The following KIAA1549 variants were observed in gnomAD, a reference collection of about 807,000 sequenced individuals.
KIAA1549 encodes UPF0606 protein KIAA1549.
KIAA1549 carries 70 observed loss-of-function variants against 156.4 expected under a neutral mutation model. The ratio of observed to expected loss-of-function variants is 0.45; its 90% CI spans 0.37 to 0.55. The LOEUF is 0.55. Ranked by LOEUF, KIAA1549 falls within the 20% of genes least tolerant of loss-of-function variation. The pLI is 0.00. For synonymous variants in KIAA1549, 1,103 were observed against 1,066.4 expected, an observed-to-expected ratio of 1.03 and a Z score of -0.67; for missense variants, 2,428 against 2,540.9, an observed-to-expected ratio of 0.96 and a Z score of 0.96.
intron 1 of KIAA1549, among the ~76,000 whole-genome samples, chr7:138,938,341 G>A (rs772091161): frequency 7.2e-5 from 11 of 152,076 alleles, no homozygotes; most frequent in Non-Finnish European, 1.6e-4. Flanking sequence ...ATTGAGTTCT[G>A]GTTACATATA....
At chr7:138,911,906 G>A (rs111704940) in intron 3 of KIAA1549, among the ~76,000 whole-genome samples, 19 of 152,266 alleles carry the variant, frequency 1.2e-4, no homozygotes, top group South Asian at 8.3e-4. Flanking sequence ...TTCTGGTTCC[G>A]GATGGCTCTG....
rs111789394 is a variant in KIAA1549, at chr7:138,877,807, G to C, written c.4345+1731C>G. Among the ~76,000 whole-genome samples the C allele has an allele frequency of 6.3e-3, 963 of 152,156 alleles. 12 individuals carry two copies. Among genetic ancestry groups the C allele is most frequent in the African/African-American group, 0.022 (899 of 41,516 alleles). On this transcript the variant is annotated intron_variant, in intron 12 of 19. Coordinates refer to ENST00000422774, the MANE Select transcript of KIAA1549 (RefSeq NM_001164665.2). ...TTCTTTCCTTCACATTCAAGCTCTC[G>C]GTCCCAGAGCTGTGATGCTTACTAC...
intron 7 of KIAA1549, among the ~76,000 whole-genome samples, chr7:138,904,197 T>C (rs1321158591): frequency 2.0e-5 from 3 of 152,114 alleles, no homozygotes; most frequent in African/African-American, 4.8e-5. Context: ...TGCCCATCTT[T>C]AGTTATCTAT....
At chr7:138,884,805 A>G (rs1811344578) in intron 10 of KIAA1549, among the ~76,000 whole-genome samples, 1 of 152,206 alleles carries the variant, frequency 6.6e-6, no homozygotes, top group African/African-American at 2.4e-5. Flanking sequence ...CACACCTATG[A>G]CTTGTAAGCC....
intron 16 of KIAA1549, among the ~76,000 whole-genome samples, chr7:138,858,804 G>A (rs942269817): frequency 3.3e-5 from 5 of 152,146 alleles, no homozygotes; most frequent in South Asian, 2.1e-4. Flanking sequence ...TCAGGAGATC[G>A]AGACCATCCT....
At position 138,917,970 on chromosome 7, in the gene KIAA1549, G is replaced by A. The variant is rs113045455; in HGVS notation, c.1656C>T (p.Ser552=). ...SVAETQVTPS[S]VTTAFFSVIT... is the part of the protein sequence containing the mutation. ...TGACCGAGAAAAATGCAGTGGTCAC[G>A]CTGGATGGCGTCACTTGGGTTTCAG... The change falls in exon 2 of 20, where the codon AGC becomes AGT. Residue 552 remains serine (S), a synonymous_variant. Coordinates refer to ENST00000422774, the MANE Select transcript of KIAA1549 (RefSeq NM_001164665.2). The A allele has an allele frequency of 9.4e-4, 1,503 of 1,592,240 alleles. 9 individuals carry two copies. In the East Asian group the frequency reaches 0.012, roughly 12 times the overall value.
At chr7:138,946,080 C>G (rs1254909658) in intron 1 of KIAA1549, among the ~76,000 whole-genome samples, 4 of 152,138 alleles carry the variant, frequency 2.6e-5, no homozygotes, top group African/African-American at 9.7e-5. Flanking sequence ...CTTTGCCTGC[C>G]TCTCCCCAGT....
chr7:138,905,447 T>C (rs1811979140), intron 6 of KIAA1549, among the ~76,000 whole-genome samples: 1 of 152,218 alleles, frequency 6.6e-6, no homozygotes, highest in African/African-American at 2.4e-5. Context: ...TGCGTTGACC[T>C]GCCCAGGACC....
At chr7:138,863,850 T>G (rs376992077) in intron 15 of KIAA1549, among the ~76,000 whole-genome samples, 144 of 152,266 alleles carry the variant, frequency 9.5e-4, no homozygotes, top group African/African-American at 3.2e-3. Flanking sequence ...TAAATGAGAT[T>G]TGTCACTGAG....
intron 1 of KIAA1549, among the ~76,000 whole-genome samples, chr7:138,926,417 T>A (rs1055795047): frequency 3.9e-5 from 6 of 152,236 alleles, no homozygotes; most frequent in Non-Finnish European, 7.4e-5. Context: ...CCAGAGCAGC[T>A]GGGATTCCAG....
At chr7:138,874,288 A>G (rs1811019181) in intron 12 of KIAA1549, among the ~76,000 whole-genome samples, 1 of 152,014 alleles carries the variant, frequency 6.6e-6, no homozygotes, top group South Asian at 2.1e-4. Context: ...AAGTAATGAT[A>G]TAAATTTTAC....
chr7:138,861,855 A>G (rs1810594965), intron 15 of KIAA1549, among the ~76,000 whole-genome samples: 1 of 152,146 alleles, frequency 6.6e-6, no homozygotes. Context: ...TGGATGACAG[A>G]GTGAGACCTT....
At chr7:138,899,281 T>C (rs1811775826) in intron 8 of KIAA1549, 149 bp from the exon 9 acceptor site, 2 of 697,580 alleles carry the variant, frequency 2.9e-6, no homozygotes, top group Admixed American at 2.4e-5. Context: ...AGAATCACCA[T>C]GGTGCTCTCT....
chr7:138,904,262 G>A (rs193107455), intron 7 of KIAA1549, among the ~76,000 whole-genome samples: 2 of 152,316 alleles, frequency 1.3e-5, no homozygotes, highest in Admixed American at 1.3e-4. Context: ...CTGGGAGGAA[G>A]GAGCATGTGC....
At chr7:138,882,026 T>C (rs182521043) in intron 10 of KIAA1549, among the ~76,000 whole-genome samples, 1 of 152,090 alleles carries the variant, frequency 6.6e-6, no homozygotes, top group Non-Finnish European at 1.5e-5. Flanking sequence ...CTATGCTAGA[T>C]GGGTCAGAGC....
At chr7:138,942,128 G>C (rs1028459820) in intron 1 of KIAA1549, among the ~76,000 whole-genome samples, 17 of 152,120 alleles carry the variant, frequency 1.1e-4, no homozygotes, top group African/African-American at 3.9e-4. Context: ...CCCACAACTA[G>C]CAGGTGGTGG....
At chr7:138,860,924 C>T (rs569534830) in intron 16 of KIAA1549, among the ~76,000 whole-genome samples, 70 of 152,296 alleles carry the variant, frequency 4.6e-4, no homozygotes, top group African/African-American at 1.6e-3. Context: ...TCCTAAATTG[C>T]GGGGATTACA....
intron 18 of KIAA1549, 47 bp from the exon 19 acceptor site, chr7:138,840,325 T>TATGGCTGCTGAGG: frequency 6.4e-7 from 1 of 1,558,942 alleles, no homozygotes; most frequent in South Asian, 1.2e-5. Flanking sequence ...TATAGGAGAG[T>TATGGCTGCTGAGG]ATGGCTGCTG....
chr7:138,870,717 A>G (rs1362120811), intron 13 of KIAA1549, among the ~76,000 whole-genome samples: 1 of 152,234 alleles, frequency 6.6e-6, no homozygotes, highest in African/African-American at 2.4e-5. Flanking sequence ...GATGTTTTAC[A>G]TTAAGAATCC....
Sources: gnomAD v4.1 joint callset for allele counts (sites outside exome capture counted in the v4.1 genomes callset) on GRCh38, gnomAD v4.1.1 for gene constraint, MANE v1.5 for transcripts, NCBI Gene and HGNC (gene_info 2026-07-23, HGNC 2026-07-21) for gene names.